Variants in HDAC9 observed in about 807,000 individuals in gnomAD.
The protein encoded by HDAC9 is MEF-2 interacting transcription repressor (MITR) protein.
In HDAC9, 41 loss-of-function variants were observed where a neutral mutation model predicts 139.4. That is an observed-to-expected ratio of 0.29 (90% confidence interval 0.23 to 0.38). HDAC9 has a LOEUF of 0.38. Among genes scored for constraint, HDAC9 ranks in the 10% least tolerant of loss-of-function variants. The pLI is 1.00. For synonymous variants in HDAC9, 517 were observed against 476.2 expected, an observed-to-expected ratio of 1.09 and a Z score of -1.12; for missense variants, 1,147 against 1,297.0, an observed-to-expected ratio of 0.88 and a Z score of 1.78.
intron 2 of HDAC9, among the ~76,000 whole-genome samples, chr7:18,218,853 A>T (rs1359223750): frequency 6.6e-6 from 1 of 152,154 alleles, no homozygotes; most frequent in African/African-American, 2.4e-5. Flanking sequence ...ACTATTATAA[A>T]TTATAATATT....
At chr7:18,492,371 A>T (rs532181372), upstream of HDAC9, among the ~76,000 whole-genome samples, 3 of 151,900 alleles carry the variant, frequency 2.0e-5, no homozygotes, top group Non-Finnish European at 4.4e-5. Context: ...GGTGCCATAC[A>T]GGTTTTTTAA....
chr7:18,924,844 TATGGCAA>T (rs1354973256), intron 22 of HDAC9, among the ~76,000 whole-genome samples: 3 of 152,166 alleles, frequency 2.0e-5, no homozygotes, highest in Admixed American at 6.6e-5. Context: ...TGAGGATGAT[TATGGCAA>T]ATCAGTGCAT....
intron 1 of HDAC9, among the ~76,000 whole-genome samples, chr7:18,293,308 CT>C (rs5882655): frequency 0.54 from 80,592 of 148,540 alleles, 23,713 homozygotes; most frequent in African/African-American, 0.81. Flanking sequence ...TTCTTAGATT[CT>C]TTTTTTTTTT....
Position 18,996,036 on chromosome 7 carries a change from C to A in HDAC9, c.3184C>A (p.Pro1062Thr), listed in dbSNP as rs994080991. 1 of 1,604,094 alleles carries A rather than the reference C, an allele frequency of 6.2e-7. No individual in the cohort carries two copies. ...TTATTTTTACAGAACTGCTGGTGAG[C>A]CTATGGAAGAGGAGCCAGCCTTGTG... is the stretch of plus-strand genomic sequence containing the variant. ...AQEDSRTAGE[P>T]MEEEPAL The change falls in exon 26 of 26, where the codon CCT becomes ACT. Residue 1062 changes from proline (P) to threonine (T), a missense_variant. By Grantham distance (38) the Pro-to-Thr change is conservative. Coordinates refer to ENST00000686413, the MANE Select transcript of HDAC9 (RefSeq NM_178425.4).
intron 1 of HDAC9, among the ~76,000 whole-genome samples, chr7:18,481,845 A>C (rs1212317591): frequency 6.6e-6 from 1 of 152,104 alleles, no homozygotes; most frequent in African/African-American, 2.4e-5. Flanking sequence ...TGAATGCTTG[A>C]GGTTCAGTTC....
intron 11 of HDAC9, among the ~76,000 whole-genome samples, chr7:18,664,437 C>A (rs1194138552): frequency 1.3e-5 from 2 of 152,064 alleles, no homozygotes; most frequent in Admixed American, 6.6e-5. Flanking sequence ...TTTTATTTCT[C>A]TAGATTCTTA....
chr7:18,158,621 T>TA, intron 1 of HDAC9, among the ~76,000 whole-genome samples: 1 of 152,204 alleles, frequency 6.6e-6, no homozygotes, highest in South Asian at 2.1e-4. Context: ...ATGGGAATAA[T>TA]AACAGCTGAT....
At chr7:18,921,378 T>C (rs1803705757) in intron 22 of HDAC9, among the ~76,000 whole-genome samples, 1 of 151,954 alleles carries the variant, frequency 6.6e-6, no homozygotes, top group African/African-American at 2.4e-5. Context: ...ACTCAACAAA[T>C]TTACAAGAAA....
intron 19 of HDAC9, among the ~76,000 whole-genome samples, chr7:18,830,076 A>G (rs1350955494): frequency 1.3e-5 from 2 of 152,192 alleles, no homozygotes; most frequent in African/African-American, 2.4e-5. Flanking sequence ...TGAAAGTTAG[A>G]GGCACTAGAT....
At chr7:18,382,232 C>T (rs918556786) in intron 1 of HDAC9, among the ~76,000 whole-genome samples, 27 of 152,084 alleles carry the variant, frequency 1.8e-4, no homozygotes, top group Admixed American at 1.7e-3. Flanking sequence ...AAAGTGCTTT[C>T]TTAATAGTAA....
intron 21 of HDAC9, among the ~76,000 whole-genome samples, chr7:18,864,375 G>A (rs568174353): frequency 2.6e-5 from 4 of 152,206 alleles, no homozygotes; most frequent in Admixed American, 2.0e-4. Flanking sequence ...CTGGGACCAG[G>A]GGAAAATGGG....
chr7:18,221,106 C>CTTTTTT lies in HDAC9; in HGVS notation c.25+58765_25+58770dup, dbSNP rs537033538. Among the ~76,000 whole-genome samples the CTTTTTT allele has an allele frequency of 1.2e-3, 172 of 139,658 alleles. 3 individuals are homozygous for CTTTTTT. The highest frequency in any genetic ancestry group is 4.5e-3 in the African/African-American group (164 of 36,428). The allele number at this position is 139,658 out of a possible 152,430, so 91.6% of individuals were successfully genotyped here. A position where few individuals can be genotyped will look rare whatever the true frequency, so the allele number is the denominator to read the frequency against. On this transcript the variant is annotated intron_variant, in intron 2 of 12. Coordinates refer to the HDAC9 transcript ENST00000417496. ...TCTATAATATTTTGCATTTCTATTC[C>CTTTTTT]TTTTTTTTTTTTTGTGACGGAGTTT...
chr7:18,442,955 C>A (rs1791925950), intron 1 of HDAC9, among the ~76,000 whole-genome samples: 1 of 152,200 alleles, frequency 6.6e-6, no homozygotes, highest in Non-Finnish European at 1.5e-5. Context: ...ATGGCCTAGG[C>A]ATCCAGGCTG....
intron 21 of HDAC9, among the ~76,000 whole-genome samples, chr7:18,836,276 TATG>T (rs1435884368): frequency 2.6e-5 from 4 of 152,206 alleles, no homozygotes; most frequent in African/African-American, 7.2e-5. Flanking sequence ...TATTTTAACA[TATG>T]ATGTGGTTTT....
chr7:18,671,324 C>A (rs1333983163), intron 12 of HDAC9, among the ~76,000 whole-genome samples: 1 of 151,848 alleles, frequency 6.6e-6, no homozygotes, highest in African/African-American at 2.4e-5. Flanking sequence ...CTGACCACAC[C>A]CCTAGAGGTT....
At chr7:18,942,252 TA>T (rs1353706623) in intron 23 of HDAC9, among the ~76,000 whole-genome samples, 2 of 152,058 alleles carry the variant, frequency 1.3e-5, no homozygotes, top group Non-Finnish European at 2.9e-5. Flanking sequence ...TGGTCTTGAA[TA>T]AAAAAATCAG....
At chr7:18,864,170 A>G (rs2129237039) in intron 21 of HDAC9, among the ~76,000 whole-genome samples, 1 of 152,368 alleles carries the variant, frequency 6.6e-6, no homozygotes, top group South Asian at 2.1e-4. Context: ...AAAATGTGGT[A>G]TATAGATACA....
chr7:18,104,878 A>G (rs1229534895), intron 1 of HDAC9, among the ~76,000 whole-genome samples: 3 of 151,970 alleles, frequency 2.0e-5, no homozygotes, highest in African/African-American at 7.3e-5. Flanking sequence ...AATCTTTTCT[A>G]AAGGCTATTT....
intron 12 of HDAC9, among the ~76,000 whole-genome samples, chr7:18,724,391 A>G (rs370519567): frequency 6.6e-6 from 1 of 152,178 alleles, no homozygotes; most frequent in Non-Finnish European, 1.5e-5. Flanking sequence ...ATTTGTGTAT[A>G]TAAACATAGA....
Sources: allele counts gnomAD v4.1 joint callset (sites outside exome capture counted in the v4.1 genomes callset), GRCh38; gene constraint gnomAD v4.1.1; transcripts MANE v1.5; gene names NCBI Gene and HGNC (gene_info 2026-07-23, HGNC 2026-07-21).